The following GLRX3 variants were observed in gnomAD, a reference collection of about 807,000 sequenced individuals.
The protein encoded by GLRX3 is glutaredoxin 3.
A neutral mutation model predicts 49.5 loss-of-function variants in GLRX3; 22 were observed. That is an observed-to-expected ratio of 0.44 (90% CI 0.32 to 0.63). GLRX3 has a LOEUF of 0.63. GLRX3 is among the 30% of genes least tolerant of loss of function. GLRX3 has a pLI of 0.05. For synonymous variants in GLRX3, 133 were observed against 140.0 expected, an observed-to-expected ratio of 0.95 and a Z score of 0.35; for missense variants, 385 against 396.3, an observed-to-expected ratio of 0.97 and a Z score of 0.24.
chr10:130,150,825 G>C (rs150229294), intron 2 of GLRX3, among the ~76,000 whole-genome samples: 3 of 152,242 alleles, frequency 2.0e-5, no homozygotes, highest in Non-Finnish European at 4.4e-5. Flanking sequence ...TTCAGTGGCA[G>C]AGAATGTTGG....
At chr10:130,175,465 G>T in intron 10 of GLRX3, among the ~76,000 whole-genome samples, 1 of 152,220 alleles carries the variant, frequency 6.6e-6, no homozygotes, top group East Asian at 1.9e-4. Flanking sequence ...CTGTGGCCCG[G>T]TGCTGCCCAT....
intron 7 of GLRX3, among the ~76,000 whole-genome samples, chr10:130,170,248 C>A (rs1862778228): frequency 6.6e-6 from 1 of 152,136 alleles, no homozygotes; most frequent in African/African-American, 2.4e-5. Flanking sequence ...GATAAAGAAA[C>A]CAAAGTTTTG....
At chr10:130,137,985 C>G (rs980885340) in intron 1 of GLRX3, among the ~76,000 whole-genome samples, 1 of 152,156 alleles carries the variant, frequency 6.6e-6, no homozygotes, top group African/African-American at 2.4e-5. Context: ...ATCTGCCCTC[C>G]TCAGCCTCCC....
intron 2 of GLRX3, among the ~76,000 whole-genome samples, chr10:130,152,247 G>T (rs1862391754): frequency 6.6e-6 from 1 of 152,052 alleles, no homozygotes; most frequent in African/African-American, 2.4e-5. Context: ...TCAAACTCCT[G>T]ACCTCAAATG....
intron 8 of GLRX3, among the ~76,000 whole-genome samples, chr10:130,174,256 G>A (rs55755077): frequency 0.22 from 32,810 of 152,210 alleles, 3,867 homozygotes; most frequent in South Asian, 0.3. Flanking sequence ...GTTGTTATCC[G>A]GCTGCTGAGC....
rs192622178 is a variant in GLRX3 at position 130,162,466 on chromosome 10, A to C, written c.478+1469A>C. Among the ~76,000 whole-genome samples the C allele has an allele frequency of 9.8e-5, 15 of 152,298 alleles. No homozygotes were observed. In the East Asian group the frequency reaches 2.5e-3, roughly 25 times the overall value. On this transcript the variant is annotated intron_variant, in intron 4 of 10. Coordinates refer to ENST00000331244, the MANE Select transcript of GLRX3 (RefSeq NM_006541.5). ...CGGGGGTTGCAAATGGTTCACATTC[A>C]CCTTCTTCCATGAAACATGAAAATT...
At chr10:130,174,772 G>T in intron 8 of GLRX3, 95 bp from the exon 9 acceptor site, 1 of 795,586 alleles carries the variant, frequency 1.3e-6, no homozygotes, top group East Asian at 2.4e-5. Flanking sequence ...GCAGTGAAAC[G>T]GTTTTCTTGA....
chr10:130,145,623 C>T (rs1862257187), intron 2 of GLRX3, among the ~76,000 whole-genome samples: 1 of 151,982 alleles, frequency 6.6e-6, no homozygotes, highest in South Asian at 2.1e-4. Flanking sequence ...GATTGTGCCA[C>T]TGCACTCCAG....
intron 4 of GLRX3, among the ~76,000 whole-genome samples, chr10:130,164,423 TGA>T (rs1274224472): frequency 2.0e-5 from 3 of 152,236 alleles, no homozygotes; most frequent in Non-Finnish European, 2.9e-5. Context: ...CCTTCTGCAG[TGA>T]GAGTCATCCA....
Position 130,136,406 on chromosome 10 carries a change from T to G in GLRX3, c.-15T>G. 8.0e-7 allele frequency: 1 copy of G among 1,251,148 alleles called. No individual in the cohort carries two copies. The highest frequency in any genetic ancestry group is 1.0e-6 in the Non-Finnish European group (1 of 992,058). 77.5% of individuals were successfully genotyped at this position (1,251,148 alleles called of 1,614,324 possible). The stretch of plus-strand genomic sequence containing the variant: ...GGCCGCCGGCACTGGATTGCTTCTG[T>G]CTGGCGGCGGCAGCATGGCGGCGGG... On this transcript the variant is annotated 5_prime_UTR_variant, in exon 1 of 11. Transcript: ENST00000331244.
intron 2 of GLRX3, among the ~76,000 whole-genome samples, chr10:130,148,597 TCAA>T (rs1002189566): frequency 3.9e-5 from 6 of 152,096 alleles, no homozygotes; most frequent in African/African-American, 1.4e-4. Context: ...TTTGTGACTA[TCAA>T]CAATTTCTTA....
intron 6 of GLRX3, among the ~76,000 whole-genome samples, chr10:130,167,456 C>T (rs993215325): frequency 5.3e-5 from 8 of 152,214 alleles, no homozygotes; most frequent in East Asian, 1.9e-4. Flanking sequence ...TTCTAGACCA[C>T]GAGAACTTAC....
chr10:130,174,811 G>A, intron 8 of GLRX3, 56 bp from the exon 9 acceptor site: 5 of 1,130,238 alleles, frequency 4.4e-6, no homozygotes, highest in Non-Finnish European at 6.7e-6. Context: ...ATGCATAGAG[G>A]TTTTACACTT....
chr10:130,179,232 A>G (rs1029291093), intron 10 of GLRX3, 110 bp from the exon 11 acceptor site: 3 of 613,174 alleles, frequency 4.9e-6, no homozygotes, highest in Non-Finnish European at 5.8e-6. Context: ...TTTTAATCCA[A>G]TAGGTGTTTC....
At chr10:130,148,923 C>T (rs2134881727) in intron 2 of GLRX3, among the ~76,000 whole-genome samples, 1 of 152,036 alleles carries the variant, frequency 6.6e-6, no homozygotes, top group East Asian at 1.9e-4. Flanking sequence ...AAAAAACTAG[C>T]TGTGTACACC....
intron 1 of GLRX3, among the ~76,000 whole-genome samples, chr10:130,139,761 C>T (rs1430417556): frequency 6.6e-6 from 1 of 151,532 alleles, no homozygotes; most frequent in Non-Finnish European, 1.5e-5. Context: ...GAACCCATCT[C>T]TACAAAAAAT....
chr10:130,172,423 T>G (rs181466673), intron 8 of GLRX3, among the ~76,000 whole-genome samples: 1 of 152,316 alleles, frequency 6.6e-6, no homozygotes, highest in East Asian at 1.9e-4. Flanking sequence ...TGCCATTGAT[T>G]TTTGTGGTTA....
intron 4 of GLRX3, among the ~76,000 whole-genome samples, chr10:130,163,649 A>G (rs1451766068): frequency 6.6e-6 from 1 of 152,144 alleles, no homozygotes; most frequent in Non-Finnish European, 1.5e-5. Flanking sequence ...AGATCATTTA[A>G]GAATGTTGCT....
In GLRX3 at chr10:130,169,461, G is replaced by T. The variant is rs1038249961; in HGVS notation, c.742G>T (p.Val248Leu). 1.2e-6 allele frequency: 2 copies of T among 1,611,486 alleles called. No individual in the cohort carries two copies. Among genetic ancestry groups the T allele is most frequent in the South Asian group, 1.1e-5 (1 of 91,040 alleles). ...CAAAGTGCTGACAAATAAAGCTTCT[G>T]TGATGCTCTTTATGAAAGGAAACAA... ...RLKVLTNKAS[V>L]MLFMKGNKQE... The change falls in exon 7 of 11, where the codon GTG becomes TTG. Residue 248 changes from valine to leucine, a missense_variant. Val to Leu is a conservative substitution (Grantham distance 32, BLOSUM62 1). Transcript: ENST00000331244.
Sources: gnomAD v4.1 joint callset for allele counts (sites outside exome capture counted in the v4.1 genomes callset) on GRCh38, gnomAD v4.1.1 for gene constraint, MANE v1.5 for transcripts, NCBI Gene and HGNC (gene_info 2026-07-23, HGNC 2026-07-21) for gene names.